PTPRM: variants seen among roughly 807,000 people sequenced by gnomAD.
The protein encoded by PTPRM is protein tyrosine phosphatase receptor type M, also known as receptor-type tyrosine-protein phosphatase mu.
Under a neutral mutation model 186.7 loss-of-function variants are expected in PTPRM, and 47 were observed. The observed-to-expected ratio is 0.25, with a 90% confidence interval of 0.20 to 0.32. The LOEUF is 0.32. Among genes scored for constraint, PTPRM ranks in the 10% least tolerant of loss-of-function variants. The probability of loss-of-function intolerance (pLI) is 1.00; values close to 1 mark genes in which losing one functional copy is unlikely to be tolerated. For missense variants in PTPRM, 1,494 were observed against 1,865.0 expected, an observed-to-expected ratio of 0.80 and a Z score of 3.66; for synonymous variants, 668 against 674.9, an observed-to-expected ratio of 0.99 and a Z score of 0.16.
rs74271309 is a variant in PTPRM at position 7,982,520 on chromosome 18, C to CTT, written c.1132+27118_1132+27119dup. ...CTGCCTGAGGCTGCTTCACAGTTAACTTTTTTTTTTTTTAGTATAAGTAGA... is the reference window on the plus strand; with the variant it reads ...CTGCCTGAGGCTGCTTCACAGTTAACTTTTTTTTTTTTTTTAGTATAAGTAGA... On this transcript the variant is annotated intron_variant, in intron 7 of 32. Transcript: ENST00000580170. 7.3e-3 allele frequency among the ~76,000 whole-genome samples: 1,048 copies of CTT among 143,364 alleles called. 6 individuals are homozygous for CTT. The highest frequency in any genetic ancestry group is 0.034 in the South Asian group (152 of 4,520). The allele number at this position is 143,364 out of a possible 152,430, so 94.1% of individuals were successfully genotyped here.
At chr18:7,848,534 G>T (rs2046708893) in intron 2 of PTPRM, among the ~76,000 whole-genome samples, 1 of 152,160 alleles carries the variant, frequency 6.6e-6, no homozygotes, top group Non-Finnish European at 1.5e-5. Flanking sequence ...AATTTTGGGA[G>T]GCTGAGGCAG....
chr18:7,772,355 C>CTT (rs1386097847), intron 1 of PTPRM, among the ~76,000 whole-genome samples: 3 of 27,320 alleles, frequency 1.1e-4, no homozygotes, highest in African/African-American at 1.9e-4. Context: ...CTTTCTCTTT[C>CTT]TTTCTTTCTT....
At chr18:7,659,433 C>T (rs2038929384) in intron 1 of PTPRM, among the ~76,000 whole-genome samples, 1 of 152,198 alleles carries the variant, frequency 6.6e-6, no homozygotes, top group South Asian at 2.1e-4. Flanking sequence ...TCCACCTAGG[C>T]ACTTACCTGC....
In PTPRM at chr18:8,088,591, T is replaced by G. The variant is rs62089549; in HGVS notation, c.1754-158T>G. ...TTTAGCAGCTGTCCCTGTGATTCTA[T>G]GTAGGGAATATATGTGAAGCTTGCT... On this transcript the variant is annotated intron_variant, in intron 10 of 32. Coordinates refer to ENST00000580170, the MANE Select transcript of PTPRM (RefSeq NM_001105244.2). 0.21 allele frequency among the ~76,000 whole-genome samples: 32,578 copies of G among 152,076 alleles called. 4,321 individuals carry two copies. The highest frequency in any genetic ancestry group is 0.33 in the South Asian group (1,594 of 4,826).
intron 2 of PTPRM, among the ~76,000 whole-genome samples, chr18:7,858,895 G>A (rs1268792628): frequency 6.6e-6 from 1 of 152,156 alleles, no homozygotes; most frequent in Non-Finnish European, 1.5e-5. Context: ...TGGACGATTA[G>A]CTAGTCTTCA....
intron 4 of PTPRM, among the ~76,000 whole-genome samples, chr18:7,923,427 C>T (rs1599531338): frequency 6.6e-6 from 1 of 152,144 alleles, no homozygotes. Context: ...AAGGCATTGT[C>T]CTGAGATATT....
At chr18:8,199,232 T>C (rs545247568) in intron 14 of PTPRM, among the ~76,000 whole-genome samples, 2 of 152,266 alleles carry the variant, frequency 1.3e-5, no homozygotes, top group East Asian at 3.9e-4. Flanking sequence ...ACTAGTATTA[T>C]CCTTATGTTG....
At chr18:7,898,303 G>A (rs2049474500) in intron 3 of PTPRM, among the ~76,000 whole-genome samples, 1 of 152,154 alleles carries the variant, frequency 6.6e-6, no homozygotes, top group African/African-American at 2.4e-5. Context: ...TTGTTCTAGG[G>A]AACTGACTAA....
intron 10 of PTPRM, 65 bp downstream of exon 10, chr18:8,085,937 T>C: frequency 1.4e-5 from 21 of 1,485,220 alleles, no homozygotes; most frequent in Non-Finnish European, 1.9e-5. Flanking sequence ...TTCATTCCCA[T>C]TGTCAAGTAT....
At chr18:7,773,456 A>C (rs1270473919) in intron 1 of PTPRM, among the ~76,000 whole-genome samples, 4 of 152,054 alleles carry the variant, frequency 2.6e-5, no homozygotes, top group African/African-American at 7.2e-5. Context: ...TTGAACATTT[A>C]AGTCAGTTCT....
chr18:7,813,028 A>G (rs929815006), intron 2 of PTPRM, among the ~76,000 whole-genome samples: 1 of 152,238 alleles, frequency 6.6e-6, no homozygotes, highest in African/African-American at 2.4e-5. Flanking sequence ...TCTATGAGAC[A>G]TCATGCTGAC....
intron 7 of PTPRM, among the ~76,000 whole-genome samples, chr18:7,990,570 A>G (rs1374013048): frequency 1.3e-5 from 2 of 152,170 alleles, no homozygotes; most frequent in East Asian, 3.9e-4. Flanking sequence ...AAAGCCTCAA[A>G]TGGGTTATTT....
chr18:7,611,112 A>G (rs1362589071), intron 1 of PTPRM, among the ~76,000 whole-genome samples: 2 of 152,230 alleles, frequency 1.3e-5, no homozygotes, highest in African/African-American at 2.4e-5. Context: ...AAATAAGGAT[A>G]TAAAGAAAGA....
chr18:7,710,609 G>A (rs1321577636), intron 1 of PTPRM, among the ~76,000 whole-genome samples: 7 of 152,128 alleles, frequency 4.6e-5, no homozygotes, highest in African/African-American at 1.2e-4. Context: ...CCAAACTGCC[G>A]CTGTTTGCTG....
intron 1 of PTPRM, among the ~76,000 whole-genome samples, chr18:7,673,257 G>A (rs2039260252): frequency 6.6e-6 from 1 of 152,088 alleles, no homozygotes; most frequent in African/African-American, 2.4e-5. Flanking sequence ...ATAGAATAAT[G>A]GAACACAGAC....
Position 8,289,551 on chromosome 18 carries a change from C to T in PTPRM, c.2755-6817C>T, listed in dbSNP as rs867285527. Among the ~76,000 whole-genome samples, 206 of 77,586 alleles carry T rather than the reference C, an allele frequency of 2.7e-3. 9 individuals are homozygous for T. Among genetic ancestry groups the T allele is most frequent in the African/African-American group, 0.015 (188 of 12,150 alleles). The allele number at this position is 77,586 out of a possible 152,430, so 50.9% of individuals were successfully genotyped here. ...ATATATATACACATATATATATATA[C>T]ATATATATACACATATATATATATA... On this transcript the variant is annotated intron_variant, in intron 19 of 32. Transcript: ENST00000580170.
At chr18:8,215,709 C>A (rs7241591) in intron 14 of PTPRM, among the ~76,000 whole-genome samples, 71,681 of 151,430 alleles carry the variant, frequency 0.47, 17,454 homozygotes, top group East Asian at 0.74. Context: ...GGCTCAGCTA[C>A]TTTTTTTCGT....
At chr18:8,023,870 A>ACACG (rs71354588) in intron 7 of PTPRM, among the ~76,000 whole-genome samples, 8,545 of 149,318 alleles carry the variant, frequency 0.057, 277 homozygotes, top group Middle Eastern at 0.2. Context: ...ACACACACAC[A>ACACG]CGCACACCCC....
chr18:7,715,139 C>A (rs1006038607), intron 1 of PTPRM, among the ~76,000 whole-genome samples: 2 of 152,154 alleles, frequency 1.3e-5, no homozygotes, highest in Non-Finnish European at 2.9e-5. Flanking sequence ...TCCAGCAACA[C>A]ATCAAAAAGC....
Sources: allele counts gnomAD v4.1 joint callset (sites outside exome capture counted in the v4.1 genomes callset), GRCh38; gene constraint gnomAD v4.1.1; transcripts MANE v1.5; gene names NCBI Gene and HGNC (gene_info 2026-07-23, HGNC 2026-07-21).